TBC1D5: variants seen among roughly 807,000 people sequenced by gnomAD.
TBC1D5 encodes the protein TBC1 domain family, member 5.
Under a neutral mutation model 100.3 loss-of-function variants are expected in TBC1D5, and 75 were observed. The ratio of observed to expected loss-of-function variants is 0.75; its 90% CI spans 0.62 to 0.91. TBC1D5 has a LOEUF of 0.91. TBC1D5 is among the 40% of genes least tolerant of loss of function. TBC1D5 has a pLI of 0.00. For missense variants in TBC1D5, 910 were observed against 942.4 expected, an observed-to-expected ratio of 0.97 and a Z score of 0.45; for synonymous variants, 323 against 325.6, an observed-to-expected ratio of 0.99 and a Z score of 0.09.
At chr3:17,399,315 C>T (rs1273015745) in intron 8 of TBC1D5, among the ~76,000 whole-genome samples, 1 of 151,988 alleles carries the variant, frequency 6.6e-6, no homozygotes, top group Non-Finnish European at 1.5e-5. Context: ...TGGAAAAACA[C>T]TAGATCCCAA....
intron 1 of TBC1D5, among the ~76,000 whole-genome samples, chr3:17,637,026 ATTTTTTT>A (rs200983087): frequency 7.0e-6 from 1 of 143,426 alleles, no homozygotes; most frequent in South Asian, 2.2e-4. Context: ...ATCATTTATT[ATTTTTTT>A]TTTTTTGAGA....
chr3:17,163,660 TAG>T (rs2125058913), intron 21 of TBC1D5, among the ~76,000 whole-genome samples: 1 of 152,310 alleles, frequency 6.6e-6, no homozygotes, highest in East Asian at 1.9e-4. Flanking sequence ...AGGATGGTTG[TAG>T]AAGCAGGTGA....
At chr3:17,654,430 T>G (rs1577255247) in intron 1 of TBC1D5, among the ~76,000 whole-genome samples, 1 of 152,158 alleles carries the variant, frequency 6.6e-6, no homozygotes, top group Non-Finnish European at 1.5e-5. Context: ...ACAAAAACAA[T>G]TATCTTGAAA....
chr3:17,296,208 A>G (rs2082239265), intron 14 of TBC1D5, among the ~76,000 whole-genome samples: 1 of 152,262 alleles, frequency 6.6e-6, no homozygotes, highest in Admixed American at 6.5e-5. Flanking sequence ...AGTATAAAAT[A>G]AAATGAGCTA....
intron 2 of TBC1D5, among the ~76,000 whole-genome samples, chr3:17,574,776 T>A (rs1355800767): frequency 1.3e-5 from 2 of 152,078 alleles, no homozygotes; most frequent in Admixed American, 1.3e-4. Flanking sequence ...TGTCACCAGG[T>A]TTGCCACTTC....
intron 14 of TBC1D5, among the ~76,000 whole-genome samples, chr3:17,302,779 G>A (rs1370626434): frequency 6.6e-6 from 1 of 152,126 alleles, no homozygotes; most frequent in African/African-American, 2.4e-5. Flanking sequence ...AACATCCTCT[G>A]AGCATCCTAC....
chr3:17,212,744 T>A (rs2073135628), intron 18 of TBC1D5, among the ~76,000 whole-genome samples: 2 of 152,032 alleles, frequency 1.3e-5, no homozygotes, highest in South Asian at 4.1e-4. Context: ...AATAAAAAAA[T>A]TTAAAAATAG....
chr3:17,592,146 G>T (rs150021915), intron 2 of TBC1D5, among the ~76,000 whole-genome samples: 116 of 152,318 alleles, frequency 7.6e-4, no homozygotes, highest in African/African-American at 2.7e-3. Flanking sequence ...ACCTTCAGCT[G>T]GCAAGGCCAG....
At chr3:17,551,011 T>TA (rs1235850658) in intron 2 of TBC1D5, among the ~76,000 whole-genome samples, 1 of 152,162 alleles carries the variant, frequency 6.6e-6, no homozygotes, top group Non-Finnish European at 1.5e-5. Flanking sequence ...TAGCTTTAAT[T>TA]AAAAAACAAG....
intron 8 of TBC1D5, among the ~76,000 whole-genome samples, chr3:17,394,026 A>C (rs769957663): frequency 6.6e-6 from 1 of 152,154 alleles, no homozygotes; most frequent in Admixed American, 6.6e-5. Context: ...CTATCATCAG[A>C]GTGAACAGGC....
chr3:17,227,307 A>C (rs1004899174), intron 17 of TBC1D5, among the ~76,000 whole-genome samples: 4 of 152,162 alleles, frequency 2.6e-5, no homozygotes, highest in African/African-American at 9.7e-5. Context: ...CATCTAGCTT[A>C]ATCAGGGCCT....
intron 17 of TBC1D5, among the ~76,000 whole-genome samples, chr3:17,227,100 AC>A (rs2074974454): frequency 6.6e-6 from 1 of 152,040 alleles, no homozygotes; most frequent in African/African-American, 2.4e-5. Flanking sequence ...CTAACCTACA[AC>A]CCTAGGTAGC....
chr3:17,356,070 G>C lies in TBC1D5; in HGVS notation c.995+16005C>G, dbSNP rs889486341. Among the ~76,000 whole-genome samples, 21 of 152,088 alleles carry C rather than the reference G, an allele frequency of 1.4e-4. 1 individual carries two copies. The highest frequency in any genetic ancestry group is 1.2e-3 in the East Asian group (6 of 5,196). ...CCAATATGCTGGTTTTAAAAAAAGT[G>C]ATCATTGTTGGTTAAAATTTTTGGT... On this transcript the variant is annotated intron_variant, in intron 13 of 21. Transcript: ENST00000253692.
At chr3:17,676,830 G>C (rs911958275) in intron 1 of TBC1D5, among the ~76,000 whole-genome samples, 35 of 152,138 alleles carry the variant, frequency 2.3e-4, no homozygotes, top group East Asian at 3.9e-4. Flanking sequence ...CAGAACAGAG[G>C]CCTCAGAAAT....
chr3:17,578,322 C>T (rs2096670332), intron 2 of TBC1D5, among the ~76,000 whole-genome samples: 1 of 151,988 alleles, frequency 6.6e-6, no homozygotes, highest in African/African-American at 2.4e-5. Flanking sequence ...TGATTAATCA[C>T]TGTTTAACTA....
At chr3:17,591,252 A>AAAAAAC (rs2096768141) in intron 2 of TBC1D5, among the ~76,000 whole-genome samples, 1 of 139,814 alleles carries the variant, frequency 7.2e-6, no homozygotes, top group Non-Finnish European at 1.5e-5. Context: ...AAAAAAAAAA[A>AAAAAAC]AAAAAAAAAA....
chr3:17,603,586 T>G (rs540642781), intron 2 of TBC1D5, among the ~76,000 whole-genome samples: 1 of 152,196 alleles, frequency 6.6e-6, no homozygotes, highest in Non-Finnish European at 1.5e-5. Context: ...TTGTTTAGCA[T>G]ATGATCGAGA....
chr3:17,472,365 C>G (rs530866291), intron 3 of TBC1D5, among the ~76,000 whole-genome samples: 2 of 152,168 alleles, frequency 1.3e-5, no homozygotes, highest in South Asian at 4.2e-4. Context: ...GTCTCGATCT[C>G]TTGACCTCAT....
chr3:17,404,791 A>G (rs1414719123), intron 6 of TBC1D5, 23 bp from the exon 7 acceptor site: 1 of 1,598,826 alleles, frequency 6.3e-7, no homozygotes, highest in Non-Finnish European at 8.5e-7. Context: ...GAGAAAACAC[A>G]CACACAAGGA....
Sources: allele counts gnomAD v4.1 joint callset (sites outside exome capture counted in the v4.1 genomes callset), GRCh38; gene constraint gnomAD v4.1.1; transcripts MANE v1.5; gene names NCBI Gene and HGNC (gene_info 2026-07-23, HGNC 2026-07-21).